TJP1: variants seen among roughly 807,000 people sequenced by gnomAD.
The protein encoded by TJP1 is tight junction protein 1.
Under a neutral mutation model 194.2 loss-of-function variants are expected in TJP1, and 43 were observed. The observed-to-expected ratio is 0.22, with a 90% CI of 0.17 to 0.29. The LOEUF (loss-of-function observed/expected upper bound fraction) is 0.29, where lower values mean the gene tolerates loss of function less well. Ranked by LOEUF, TJP1 falls within the 10% of genes least tolerant of loss-of-function variation. TJP1 has a pLI of 1.00. For synonymous variants in TJP1, 801 were observed against 779.0 expected (o/e 1.03, Z -0.47); for missense variants, 1,971 against 2,185.7 (o/e 0.90, Z 1.96).
At chr15:29,815,469 C>A (rs1372062898) in intron 1 of TJP1, among the ~76,000 whole-genome samples, 2 of 152,270 alleles carry the variant, frequency 1.3e-5, no homozygotes, top group East Asian at 3.9e-4. Flanking sequence ...TTTAACATAT[C>A]AAAACTTTGC....
chr15:29,743,101 G>T, intron 8 of TJP1: 1 of 182,510 alleles, frequency 5.5e-6, no homozygotes, highest in Non-Finnish European at 1.1e-5. Flanking sequence ...GTCCACAAAT[G>T]TAGAAAAATT....
intron 18 of TJP1, 83 bp from the exon 19 acceptor site, chr15:29,720,791 G>A: frequency 9.0e-7 from 1 of 1,112,114 alleles, no homozygotes; most frequent in South Asian, 1.7e-5. Context: ...AGATTGAAAA[G>A]GATATCTTTC....
rs529751934 is a variant in TJP1 at position 29,882,863 on chromosome 15, C to T, written c.306+73369G>A. On this transcript the variant is annotated intron_variant, in intron 2 of 28. Coordinates refer to the TJP1 transcript ENST00000356107. ...GCCACCTGGCTGCTTCCCACTTTGGCCACAGCGATGGCTTCCCTGCTCTGG... is the reference window on the plus strand; with the variant it reads ...GCCACCTGGCTGCTTCCCACTTTGGTCACAGCGATGGCTTCCCTGCTCTGG... Among the ~76,000 whole-genome samples the T allele has an allele frequency of 4.5e-4, 69 of 152,298 alleles. No homozygotes were observed. The South Asian group carries it at 0.012, about 27-fold the overall frequency.
At position 29,719,051 on chromosome 15, in the gene TJP1, G is replaced by A; in HGVS notation, c.3091C>T (p.Pro1031Ser). ...QPAVSHPGHR[P>S]DKEPNLTYEP... The stretch of plus-strand genomic sequence containing the variant: ...TAGGTCAGATTAGGCTCTTTGTCTG[G>A]CCTGTGCCCTGGGTGACTAACGGCT... The change falls in exon 21 of 28, where the codon CCA becomes TCA. Residue 1031 changes from proline (P) to serine (S), a missense_variant. Pro to Ser is a moderately conservative substitution (Grantham distance 74). Transcript: ENST00000614355. The A allele has an allele frequency of 1.2e-6, 2 of 1,614,126 alleles. No individual in the cohort carries two copies. The highest frequency in any genetic ancestry group is 1.3e-5 in the African/African-American group (1 of 75,030).
chr15:29,949,520 AC>A (rs1181013117), intron 2 of TJP1, among the ~76,000 whole-genome samples: 28 of 97,938 alleles, frequency 2.9e-4, no homozygotes, highest in South Asian at 2.8e-3. Context: ...CTCCACCTCC[AC>A]CACCACCACC....
intron 2 of TJP1, among the ~76,000 whole-genome samples, chr15:29,862,474 C>A (rs2052115671): frequency 6.6e-6 from 1 of 151,792 alleles, no homozygotes; most frequent in Non-Finnish European, 1.5e-5. Flanking sequence ...AAAAAAAACC[C>A]CTCGTATACA....
intron 2 of TJP1, among the ~76,000 whole-genome samples, chr15:29,844,629 C>T (rs912436493): frequency 6.6e-6 from 1 of 152,102 alleles, no homozygotes; most frequent in African/African-American, 2.4e-5. Context: ...ACTAGAAGGA[C>T]AGCACAGCCA....
In TJP1 at chr15:29,705,713, T is replaced by A; in HGVS notation, c.4883A>T (p.Asp1628Val). The part of the protein sequence containing the change: ...PSAVEEDEDE[D>V]GHTVVATARG... Reference sequence around the variant, plus strand: ...GGCTGTGGCCACCACAGTATGACCATCTTCATCTTCATCCTCTTCCACAGC... The same window carrying A: ...GGCTGTGGCCACCACAGTATGACCAACTTCATCTTCATCCTCTTCCACAGC... The change falls in exon 26 of 28, where the codon GAT becomes GTT. Residue 1628 changes from aspartate (D) to valine (V), a missense_variant. By Grantham distance (152) the Asp-to-Val change is radical. This residue lies in a region of TJP1 where 1,108 missense variants were observed against 1,128.5 expected (regional missense o/e 0.98). Transcript: ENST00000614355. 1 of 1,614,158 alleles carries A rather than the reference T, an allele frequency of 6.2e-7. No individual in the cohort carries two copies.
chr15:29,914,630 G>C, intron 2 of TJP1, among the ~76,000 whole-genome samples: 1 of 152,100 alleles, frequency 6.6e-6, no homozygotes, highest in Non-Finnish European at 1.5e-5. Context: ...GAGGCTCCAG[G>C]GAACATATGG....
chr15:29,950,359 CACT>C (rs1215628159), intron 2 of TJP1, among the ~76,000 whole-genome samples: 3 of 151,410 alleles, frequency 2.0e-5, no homozygotes, highest in African/African-American at 7.3e-5. Context: ...CCTCCATTAC[CACT>C]ACTACCACCA....
Position 29,741,441 on chromosome 15 carries a change from GAA to G in TJP1, c.1151-7_1151-6del. The G allele has an allele frequency of 2.0e-6, 3 of 1,528,586 alleles. No homozygotes were observed. The highest frequency in any genetic ancestry group is 2.4e-5 in the South Asian group (2 of 82,932). The allele number at this position is 1,528,586 out of a possible 1,614,324, so 94.7% of individuals were successfully genotyped here. The stretch of plus-strand genomic sequence containing the variant: ...GGGCATACACAGGCTTTGGTTCTAA[GAA>G]AAAAAAAATTGAGTAGGACTCACTT... On this transcript the variant is annotated splice_region_variant and splice_polypyrimidine_tract_variant and intron_variant, in intron 9 of 27. Coordinates refer to ENST00000614355, the MANE Select transcript of TJP1 (RefSeq NM_001330239.4).
chr15:29,716,651 G>A lies in TJP1; in HGVS notation c.4162C>T (p.His1388Tyr). 8.1e-6 allele frequency: 13 copies of A among 1,613,752 alleles called. No individual in the cohort carries two copies. The highest frequency in any genetic ancestry group is 1.7e-5 in the Admixed American group (1 of 60,000). The stretch of plus-strand genomic sequence containing the variant: ...GAAAAATTTGATTGATTCTGAGAAT[G>A]CGCTGGCTTTGCAGGCTCGGAGAGA... ...SHLSEPAKPA[H>Y]SQNQSNFSSY... The change falls in exon 23 of 28, where the codon CAT (histidine) becomes TAT (tyrosine). Residue 1388 changes from histidine (H) to tyrosine (Y), a missense_variant. Around this residue, in one of 5 missense-constraint regions of TJP1, gnomAD observed 1,108 missense variants for 1,128.5 expected, o/e 0.98. Transcript: ENST00000614355.
At chr15:29,812,023 G>T (rs536735621) in intron 1 of TJP1, among the ~76,000 whole-genome samples, 18 of 152,176 alleles carry the variant, frequency 1.2e-4, no homozygotes, top group Non-Finnish European at 2.5e-4. Flanking sequence ...TAACATAATA[G>T]CTTAGTATGT....
intron 2 of TJP1, among the ~76,000 whole-genome samples, chr15:29,939,657 G>C (rs1186146628): frequency 6.6e-6 from 1 of 152,206 alleles, no homozygotes; most frequent in African/African-American, 2.4e-5. Context: ...AAATTCATTT[G>C]TTGAAATCCT....
chr15:29,754,331 C>G (rs1030804349), intron 8 of TJP1, among the ~76,000 whole-genome samples: 4 of 151,952 alleles, frequency 2.6e-5, no homozygotes, highest in Admixed American at 1.3e-4. Flanking sequence ...TAAGAACTTA[C>G]GAACACAAAG....
chr15:29,919,191 G>C (rs1244313418), intron 2 of TJP1, among the ~76,000 whole-genome samples: 1 of 152,208 alleles, frequency 6.6e-6, no homozygotes, highest in African/African-American at 2.4e-5. Context: ...TTTTAAGCTA[G>C]AATTCTGTAC....
intron 2 of TJP1, among the ~76,000 whole-genome samples, chr15:29,945,801 GCACA>G (rs150588063): frequency 1.4e-5 from 2 of 142,596 alleles, no homozygotes; most frequent in Non-Finnish European, 3.1e-5. Flanking sequence ...ACACACACAC[GCACA>G]CACACAGAAG....
intron 2 of TJP1, among the ~76,000 whole-genome samples, chr15:29,837,679 G>A (rs28376883): frequency 0.1 from 15,820 of 152,146 alleles, 904 homozygotes; most frequent in South Asian, 0.22. Context: ...ATACAACATG[G>A]CTAATTTAAA....
intron 2 of TJP1, among the ~76,000 whole-genome samples, chr15:29,908,083 A>G (rs1007368056): frequency 1.4e-4 from 18 of 131,218 alleles, no homozygotes; most frequent in South Asian, 7.4e-4. Context: ...AAAAAAAAAA[A>G]AAGAAGAAGA....
Sources: gnomAD v4.1 joint callset for allele counts (sites outside exome capture counted in the v4.1 genomes callset) on GRCh38, gnomAD v4.1.1 for gene constraint, gnomAD v4.1.1 regional missense constraint, MANE v1.5 for transcripts, NCBI Gene and HGNC (gene_info 2026-07-23, HGNC 2026-07-21) for gene names.